CACNA1G: variants seen among roughly 807,000 people sequenced by gnomAD.
CACNA1G encodes the protein voltage-dependent T-type calcium channel subunit alpha-1G.
Under a neutral mutation model 219.4 loss-of-function variants are expected in CACNA1G, and 67 were observed. The ratio of observed to expected loss-of-function variants is 0.31; its 90% CI spans 0.25 to 0.37. The LOEUF is 0.37. CACNA1G is among the 10% of genes least tolerant of loss of function. The probability of loss-of-function intolerance (pLI) is 1.00; values close to 1 mark genes in which losing one functional copy is unlikely to be tolerated. For synonymous variants in CACNA1G, 1,296 were observed against 1,345.3 expected (o/e 0.96, Z 0.80); for missense variants, 2,380 against 3,231.4 (o/e 0.74, Z 6.39).
rs987308687 is a variant in CACNA1G, at chr17:50,575,535, C to T, written c.1141-8C>T. On this transcript the variant is annotated splice_polypyrimidine_tract_variant and splice_region_variant and intron_variant, in intron 7 of 37. Coordinates refer to ENST00000359106, the MANE Select transcript of CACNA1G (RefSeq NM_018896.5). ...GGACATTTCCTCTTCCTGTCCCCAC[C>T]CCTACAGGTGGGCTCCTTCTTCATG... The T allele has an allele frequency of 5.0e-6, 8 of 1,601,124 alleles. No individual in the cohort carries two copies. In the East Asian group the frequency reaches 1.8e-4, roughly 36 times the overall value.
intron 9 of CACNA1G, among the ~76,000 whole-genome samples, chr17:50,581,381 C>T (rs778166019): frequency 2.0e-5 from 3 of 151,888 alleles, no homozygotes; most frequent in South Asian, 2.1e-4. Flanking sequence ...CCATTGATCC[C>T]GGAATCGATT....
chr17:50,624,324 T>TGCCCCCCCCCCCCCCCCCCCGACCCC, intron 36 of CACNA1G, 36 bp from the exon 37 acceptor site: 1 of 1,177,664 alleles, frequency 8.5e-7, no homozygotes, highest in Non-Finnish European at 1.2e-6. Flanking sequence ...CTCCATTCTC[T>TGCCCCCCCCCCCCCCCCCCCGACCCC]CCCCCCACCC....
At position 50,575,919 on chromosome 17, in the gene CACNA1G, A is replaced by C. The variant is rs777481463; in HGVS notation, c.1517A>C (p.His506Pro). 2.0e-5 allele frequency: 31 copies of C among 1,557,686 alleles called. No homozygotes were observed. Among genetic ancestry groups the C allele is most frequent in the Non-Finnish European group, 2.7e-5 (31 of 1,151,630 alleles). ...HHHHHHHHHY[H>P]LGNGTLRAPR... Reference sequence around the variant, plus strand: ...CACCACCACCATCACCACCACTACCACCTGGGCAATGGGACGCTCAGGGCC... The same window carrying C: ...CACCACCACCATCACCACCACTACCCCCTGGGCAATGGGACGCTCAGGGCC... The change falls in exon 8 of 38, where the codon CAC becomes CCC. Residue 506 changes from histidine to proline, a missense_variant. His to Pro is a moderately conservative substitution (Grantham distance 77). Transcript: ENST00000359106.
chr17:50,590,390 C>T, intron 9 of CACNA1G, 81 bp from the exon 10 acceptor site: 1 of 1,484,632 alleles, frequency 6.7e-7, no homozygotes, highest in Non-Finnish European at 9.3e-7. Flanking sequence ...CTCCTCCTCT[C>T]CCTGGTGTCC....
At chr17:50,570,557 C>CTGTGTGTGTGTGTGTGCGTGTGTG (rs2039174980) in intron 4 of CACNA1G, among the ~76,000 whole-genome samples, 1 of 132,614 alleles carries the variant, frequency 7.5e-6, no homozygotes, top group African/African-American at 2.9e-5. Context: ...CCCCTGCGCT[C>CTGTGTGTGTGTGTGTGCGTGTGTG]TGTGTGTGTG....
At chr17:50,564,310 C>A (rs908452129) in intron 1 of CACNA1G, among the ~76,000 whole-genome samples, 1 of 149,596 alleles carries the variant, frequency 6.7e-6, no homozygotes, top group African/African-American at 2.6e-5. Flanking sequence ...GGAGCGCGCT[C>A]CCCTCTCGGG....
chr17:50,579,080 A>G (rs1034756026), intron 9 of CACNA1G, among the ~76,000 whole-genome samples: 2 of 152,042 alleles, frequency 1.3e-5, no homozygotes, highest in African/African-American at 4.8e-5. Flanking sequence ...GAGGGAGGCA[A>G]TCTTTCCTGG....
chr17:50,594,893 C>T (rs1388219953), intron 13 of CACNA1G, 100 bp from the exon 14 acceptor site: 15 of 828,750 alleles, frequency 1.8e-5, no homozygotes, highest in Admixed American at 6.2e-5. Flanking sequence ...GTGGGGTTTG[C>T]GCCCCTCCTT....
intron 7 of CACNA1G, 53 bp from the exon 8 acceptor site, chr17:50,575,490 T>G: frequency 6.6e-7 from 1 of 1,525,974 alleles, no homozygotes; most frequent in Non-Finnish European, 8.9e-7. Flanking sequence ...GTGGCTGGCA[T>G]TGTGATTCAC....
In CACNA1G at chr17:50,567,123, C is replaced by G. The variant is rs180713109; in HGVS notation, c.243-1747C>G. On this transcript the variant is annotated intron_variant, in intron 1 of 37. Coordinates refer to ENST00000359106, the MANE Select transcript of CACNA1G (RefSeq NM_018896.5). ...TTCCAGGGTGACCCCTGGCTGACCC[C>G]CATTCTGGGGAGAGATCCACTGCAC... 3.3e-5 allele frequency among the ~76,000 whole-genome samples: 5 copies of G among 152,346 alleles called. No homozygotes were observed. In the East Asian group the frequency reaches 9.7e-4, roughly 29 times the overall value.
chr17:50,570,045 C>G (rs1189564865), intron 4 of CACNA1G, among the ~76,000 whole-genome samples: 20 of 152,206 alleles, frequency 1.3e-4, no homozygotes, highest in Admixed American at 1.3e-3. Context: ...TCAGAAACAT[C>G]TCAGATGACC....
chr17:50,609,932 T>C lies in CACNA1G; in HGVS notation c.4756T>C (p.Ser1586Pro). The change falls in exon 26 of 38, where the codon TCA becomes CCA. Residue 1586 changes from serine to proline, a missense_variant. By Grantham distance (74) the Ser-to-Pro change is moderately conservative (BLOSUM62 -1). This residue lies in a region of CACNA1G where 58 missense variants were observed against 71.3 expected (regional missense o/e 0.81). Coordinates refer to ENST00000359106, the MANE Select transcript of CACNA1G (RefSeq NM_018896.5). ...TTCCGGCAGCTCAGCCAGCGCTGCG[T>C]CAGGTACTGCGTCTGGGGTGTGGGC... ...IASGSSASAA[S>P]EAQCKPYYSD... The C allele has an allele frequency of 6.2e-7, 1 of 1,610,152 alleles. No individual in the cohort carries two copies.
rs758628716 is a variant in CACNA1G at position 50,619,008 on chromosome 17, G to A, written c.5781G>A (p.Thr1927=). 3.0e-5 allele frequency: 46 copies of A among 1,517,896 alleles called. No individual in the cohort carries two copies. Among genetic ancestry groups the A allele is most frequent in the South Asian group, 1.2e-4 (9 of 76,336 alleles). The allele number at this position is 1,517,896 out of a possible 1,614,324, so 94.0% of individuals were successfully genotyped here. A position where few individuals can be genotyped will look rare whatever the true frequency, so the allele number is the denominator to read the frequency against. ...SASHFSLEHP[T]DRQLFDTISL... ...CCCACTTTTCCCTGGAGCACCCCAC[G>A]GTGAGCAGACACCCACCCCAGCCGT... The change falls in exon 33 of 38, where the codon ACG becomes ACA. Residue 1927 remains threonine (T), a splice_region_variant and synonymous_variant. Transcript: ENST00000359106.
chr17:50,572,687 G>A lies in CACNA1G; in HGVS notation c.880G>A (p.Gly294Ser), dbSNP rs202055246. Residue 294 changes from glycine (G) to serine (S), a missense_variant, in exon 6 of 38, where the codon GGT becomes AGT. Physicochemically the swap from Gly to Ser is moderately conservative, Grantham distance 56. Around this residue, in one of 17 missense-constraint regions of CACNA1G, gnomAD observed 68 missense variants for 85.3 expected, o/e 0.80. Transcript: ENST00000359106. ...GCCCACGCTGCGCGGGGACGGGGGC[G>A]GTGGCCCACCTTGCGGTCTGGACTA... ...SVPTLRGDGGGGPPCGLDYEA... is the reference protein window; with the variant it reads ...SVPTLRGDGGSGPPCGLDYEA... 33 of 1,612,720 alleles carry A rather than the reference G, an allele frequency of 2.0e-5. No homozygotes were observed. The highest frequency in any genetic ancestry group is 6.7e-5 in the Admixed American group (4 of 59,774).
chr17:50,619,614 C>A, intron 33 of CACNA1G, 69 bp from the exon 34 acceptor site: 2 of 1,487,088 alleles, frequency 1.3e-6, no homozygotes, highest in South Asian at 2.4e-5. Flanking sequence ...TTCCACGACA[C>A]TTCCCATCAC....
intron 26 of CACNA1G, among the ~76,000 whole-genome samples, chr17:50,610,286 T>G (rs749752677): frequency 6.6e-6 from 1 of 152,214 alleles, no homozygotes; most frequent in Non-Finnish European, 1.5e-5. Context: ...TGTCTCCTTT[T>G]GTCTGAGGGG....
chr17:50,595,021 G>T lies in CACNA1G; in HGVS notation c.2939G>T (p.Gly980Val). The T allele has an allele frequency of 6.4e-7, 1 of 1,554,490 alleles. No individual in the cohort carries two copies. Residue 980 changes from glycine to valine, a missense_variant, in exon 14 of 38, where the codon GGA (glycine) becomes GTA (valine). Physicochemically the swap from Gly to Val is moderately radical, Grantham distance 109. Coordinates refer to ENST00000359106, the MANE Select transcript of CACNA1G (RefSeq NM_018896.5). The part of the protein sequence containing the change: ...EEISKREDAS[G>V]QLSCIQLPVD... Reference sequence around the variant, plus strand: ...ATCAGCAAACGGGAAGATGCGAGTGGACAGTTAAGCTGTATTCAGCTGCCT... The same window carrying T: ...ATCAGCAAACGGGAAGATGCGAGTGTACAGTTAAGCTGTATTCAGCTGCCT...
intron 36 of CACNA1G, 125 bp from the exon 37 acceptor site, chr17:50,624,235 G>A: frequency 1.6e-6 from 2 of 1,253,208 alleles, no homozygotes; most frequent in South Asian, 1.3e-5. Context: ...AGTCCAGGGG[G>A]TAAGGGTAGA....
At position 50,609,865 on chromosome 17, in the gene CACNA1G, G is replaced by C; in HGVS notation, c.4706-17G>C. ...CCTGGTCCGGCCAGTGACCAATGTC[G>C]TGTTTCGTTCTTTTAGATCTAATGC... is the stretch of plus-strand genomic sequence containing the variant. On this transcript the variant is annotated splice_polypyrimidine_tract_variant and intron_variant, in intron 25 of 37. Transcript: ENST00000359106. The C allele has an allele frequency of 2.5e-6, 4 of 1,610,032 alleles. No individual in the cohort carries two copies. Among genetic ancestry groups the C allele is most frequent in the African/African-American group, 2.7e-5 (2 of 75,046 alleles).
Sources: gnomAD v4.1 joint callset for allele counts (sites outside exome capture counted in the v4.1 genomes callset) on GRCh38, gnomAD v4.1.1 for gene constraint, gnomAD v4.1.1 regional missense constraint, MANE v1.5 for transcripts, NCBI Gene and HGNC (gene_info 2026-07-23, HGNC 2026-07-21) for gene names.